Variants in TVP23C observed in about 807,000 individuals in gnomAD.
The protein encoded by TVP23C is Golgi apparatus membrane protein TVP23 homolog C.
A neutral mutation model predicts 28.7 loss-of-function variants in TVP23C; 19 were observed. The observed-to-expected ratio is 0.66, with a 90% CI of 0.46 to 0.97. The LOEUF (loss-of-function observed/expected upper bound fraction) is 0.97, where lower values mean the gene tolerates loss of function less well. Among genes scored for constraint, TVP23C ranks in the 50% least tolerant of loss-of-function variants. The pLI is 0.00. For synonymous variants in TVP23C, 68 were observed against 81.7 expected, an observed-to-expected ratio of 0.83 and a Z score of 0.90; for missense variants, 186 against 241.3, an observed-to-expected ratio of 0.77 and a Z score of 1.52.
At chr17:15,527,905 A>G (rs904825414) in intron 5 of TVP23C, among the ~76,000 whole-genome samples, 1 of 152,264 alleles carries the variant, frequency 6.6e-6, no homozygotes, top group Non-Finnish European at 1.5e-5. Context: ...CACACAAAAA[A>G]TAGGTGTAAA....
chr17:15,503,248 T>C (rs1338657375), intron 5 of TVP23C: 2 of 1,467,054 alleles, frequency 1.4e-6, no homozygotes, highest in East Asian at 5.0e-5. Context: ...AAAAATAAAA[T>C]AAAAATAAAT....
At chr17:15,513,033 C>T (rs1003535929) in intron 5 of TVP23C, among the ~76,000 whole-genome samples, 1 of 152,134 alleles carries the variant, frequency 6.6e-6, no homozygotes, top group Non-Finnish European at 1.5e-5. Flanking sequence ...TTGGTTCTAA[C>T]GGCCATAAAC....
chr17:15,531,584 A>T (rs1045437703), intron 5 of TVP23C, among the ~76,000 whole-genome samples: 3 of 152,148 alleles, frequency 2.0e-5, no homozygotes, highest in Non-Finnish European at 2.9e-5. Flanking sequence ...CCCCTCTAAG[A>T]AATTTTTCAG....
intron 3 of TVP23C, among the ~76,000 whole-genome samples, chr17:15,552,381 T>C (rs577815340): frequency 1.9e-4 from 29 of 152,288 alleles, no homozygotes; most frequent in South Asian, 1.9e-3. Flanking sequence ...ACTTCAGATA[T>C]CTTTAAGAAT....
chr17:15,516,535 C>CTG (rs10695738), intron 5 of TVP23C: 117,737 of 151,924 alleles, frequency 0.77, 46,540 homozygotes, highest in Middle Eastern at 0.89. Context: ...GGTCCTTCCT[C>CTG]TGTGTGTCTG....
intron 5 of TVP23C, among the ~76,000 whole-genome samples, chr17:15,511,342 C>T (rs1981995334): frequency 6.6e-6 from 1 of 152,142 alleles, no homozygotes; most frequent in African/African-American, 2.4e-5. Flanking sequence ...GGCTCTATTT[C>T]ACTCCCATGT....
rs141163711 is a variant in TVP23C at position 15,502,991 on chromosome 17, T to C, written c.704A>G (p.Gln235Arg). The C allele has an allele frequency of 1.9e-6, 3 of 1,614,038 alleles. No homozygotes were observed. In the African/African-American group the frequency reaches 4.0e-5, roughly 22 times the overall value. ...GAGAAATAGGCGGGCGGGCGCCATC[T>C]GTTGGCAGTTGCCTGGAGCCGCACG... Residue 235 changes from glutamine to arginine, a missense_variant, in exon 6 of 6, where the codon CAG becomes CGG. Physicochemically the swap from Gln to Arg is conservative, Grantham distance 43. Coordinates refer to the TVP23C transcript ENST00000225576.
intron 5 of TVP23C, among the ~76,000 whole-genome samples, chr17:15,504,907 G>C (rs1263639605): frequency 6.8e-6 from 1 of 146,064 alleles, no homozygotes; most frequent in African/African-American, 2.4e-5. Context: ...TGACCTTCAG[G>C]GGCTTCTTGA....
exon 6 of TVP23C, chr17:15,502,916 C>T (rs987597187): frequency 6.2e-7 from 1 of 1,609,968 alleles, no homozygotes; most frequent in Non-Finnish European, 8.5e-7. Flanking sequence ...ACCAGTTCCT[C>T]TGCTATTGGG....
intron 5 of TVP23C, among the ~76,000 whole-genome samples, chr17:15,542,159 T>C (rs1311764672): frequency 6.6e-6 from 1 of 151,806 alleles, no homozygotes; most frequent in African/African-American, 2.4e-5. Context: ...CTAAGGAAAA[T>C]TTCACTAATA....
intron 5 of TVP23C, among the ~76,000 whole-genome samples, chr17:15,521,421 G>A (rs1021611214): frequency 1.8e-4 from 27 of 152,090 alleles, no homozygotes; most frequent in African/African-American, 3.6e-4. Context: ...GGAGAATGTC[G>A]TGAGCCCAGG....
intron 3 of TVP23C, among the ~76,000 whole-genome samples, chr17:15,549,206 A>C (rs1169131006): frequency 6.6e-6 from 1 of 152,214 alleles, no homozygotes; most frequent in African/African-American, 2.4e-5. Flanking sequence ...GAGGAAGAAG[A>C]GCATTCCAGA....
At chr17:15,556,780 A>G (rs1344568600) in intron 1 of TVP23C, among the ~76,000 whole-genome samples, 2 of 151,908 alleles carry the variant, frequency 1.3e-5, no homozygotes, top group East Asian at 3.9e-4. Flanking sequence ...ATCCCTCTCT[A>G]TTCCAGCCTC....
At position 15,539,847 on chromosome 17, in the gene TVP23C, A is replaced by G; in HGVS notation, c.*565T>C. On this transcript the variant is annotated 3_prime_UTR_variant, in exon 6 of 6. Coordinates refer to ENST00000518321, the MANE Select transcript of TVP23C (RefSeq NM_001135036.2). ...GGTGGCTCACGCCTGTAATCCCAGC[A>G]CTTTGGGAGGCTGAGGTGGGCAGAT... is the stretch of plus-strand genomic sequence containing the variant. 2.1e-6 allele frequency: 2 copies of G among 937,838 alleles called. No homozygotes were observed. The highest frequency in any genetic ancestry group is 5.5e-4 in the Middle Eastern group (1 of 1,834). 58.1% of individuals were successfully genotyped at this position (937,838 alleles called of 1,614,324 possible). A position where few individuals can be genotyped will look rare whatever the true frequency, so the allele number is the denominator to read the frequency against.
At chr17:15,506,808 C>T (rs555834820) in intron 5 of TVP23C, 21 of 540,552 alleles carry the variant, frequency 3.9e-5, no homozygotes, top group East Asian at 3.4e-4. Context: ...CGCGAGGGTC[C>T]GCGGCTTCAT....
intron 5 of TVP23C, among the ~76,000 whole-genome samples, chr17:15,521,757 G>T (rs1982490622): frequency 6.6e-6 from 1 of 152,188 alleles, no homozygotes; most frequent in Non-Finnish European, 1.5e-5. Context: ...ATTTTGCTGT[G>T]CAGCAAACAA....
intron 3 of TVP23C, among the ~76,000 whole-genome samples, chr17:15,549,345 T>C (rs937723401): frequency 4.6e-5 from 7 of 152,212 alleles, no homozygotes; most frequent in East Asian, 3.9e-4. Flanking sequence ...AGTAAAAAAA[T>C]AGTGATTCCA....
At chr17:15,554,949 T>C (rs1048865871) in intron 2 of TVP23C, among the ~76,000 whole-genome samples, 5 of 152,246 alleles carry the variant, frequency 3.3e-5, no homozygotes, top group Non-Finnish European at 5.9e-5. Context: ...AGAAATGTTA[T>C]GTGATTTTGA....
rs1597528768 is a variant in TVP23C, at chr17:15,537,901, A to C, written c.*2511T>G. ...ATGTGCATACCTACACCACAGAACA[A>C]ATCTTAACAATGTTTCTAGTGCCAA... On this transcript the variant is annotated 3_prime_UTR_variant, in exon 6 of 6. Transcript: ENST00000518321. The C allele has an allele frequency of 1.4e-6, 2 of 1,427,986 alleles. No individual in the cohort carries two copies. Among genetic ancestry groups the C allele is most frequent in the East Asian group, 5.1e-5 (2 of 39,210 alleles). The allele number at this position is 1,427,986 out of a possible 1,614,324, so 88.5% of individuals were successfully genotyped here. A position where few individuals can be genotyped will look rare whatever the true frequency, so the allele number is the denominator to read the frequency against.
Sources: allele counts gnomAD v4.1 joint callset (sites outside exome capture counted in the v4.1 genomes callset), GRCh38; gene constraint gnomAD v4.1.1; transcripts MANE v1.5; gene names NCBI Gene and HGNC (gene_info 2026-07-23, HGNC 2026-07-21).